COL5A1: variants seen among roughly 807,000 people sequenced by gnomAD.
COL5A1 encodes collagen type V alpha 1 chain.
Under a neutral mutation model 263.7 loss-of-function variants are expected in COL5A1, and 16 were observed. The ratio of observed to expected loss-of-function variants is 0.06; its 90% CI spans 0.04 to 0.09. The LOEUF (loss-of-function observed/expected upper bound fraction) is 0.09, where lower values mean the gene tolerates loss of function less well. Among genes scored for constraint, COL5A1 ranks in the 10% least tolerant of loss-of-function variants. COL5A1 has a pLI of 1.00. For synonymous variants in COL5A1, 1,012 were observed against 1,004.5 expected (o/e 1.01, Z -0.14); for missense variants, 2,036 against 2,540.5 (o/e 0.80, Z 4.27).
Position 134,805,052 on chromosome 9 carries a change from T to A in COL5A1, c.3192T>A (p.Leu1064=). 6.2e-7 allele frequency: 1 copy of A among 1,613,912 alleles called. No homozygotes were observed. Among genetic ancestry groups the A allele is most frequent in the Non-Finnish European group, 8.5e-7 (1 of 1,179,954 alleles). ...GTGGTTTCCCTGGGGACCGAGGGCT[T>A]CCTGGTCCAGTGGTGAGTGAGAGGC... is the stretch of plus-strand genomic sequence containing the variant. ...GLRGFPGDRG[L]PGPVGALGLK... The change falls in exon 40 of 66, where the codon CTT becomes CTA. Residue 1064 remains leucine (L), a synonymous_variant. Coordinates refer to ENST00000371817, the MANE Select transcript of COL5A1 (RefSeq NM_000093.5).
At chr9:134,759,921 A>T (rs1052175048) in intron 18 of COL5A1, among the ~76,000 whole-genome samples, 10 of 109,946 alleles carry the variant, frequency 9.1e-5, no homozygotes, top group Non-Finnish European at 1.4e-4. Context: ...CCACACTCAT[A>T]CATGCACACA....
rs748603743 is a variant in COL5A1, at chr9:134,728,685, G to A, written c.802G>A (p.Gly268Ser). Residue 268 changes from glycine (G) to serine (S), a missense_variant, in exon 6 of 66, where the codon GGC becomes AGC. Around this residue, in one of 3 missense-constraint regions of COL5A1, gnomAD observed 600 missense variants for 634.5 expected, o/e 0.95. Coordinates refer to ENST00000371817, the MANE Select transcript of COL5A1 (RefSeq NM_000093.5). ...TCGCTTTCAGTACACGGAAGGAGACGGCGAGGGTGAGACCTATTACTACGA... is the reference window on the plus strand; with the variant it reads ...TCGCTTTCAGTACACGGAAGGAGACAGCGAGGGTGAGACCTATTACTACGA... ...NPDEYYTEGD[G>S]EGETYYYEYP... 9.3e-6 allele frequency: 15 copies of A among 1,614,114 alleles called. No individual in the cohort carries two copies. The highest frequency in any genetic ancestry group is 6.7e-5 in the Admixed American group (4 of 60,030).
At chr9:134,787,416 A>C (rs1436200284) in intron 31 of COL5A1, among the ~76,000 whole-genome samples, 4 of 152,172 alleles carry the variant, frequency 2.6e-5, no homozygotes, top group Admixed American at 2.6e-4. Context: ...TGAGAAATAC[A>C]AGGTTTGGAC....
intron 28 of COL5A1, among the ~76,000 whole-genome samples, chr9:134,781,876 C>T (rs1351127948): frequency 2.6e-5 from 4 of 152,192 alleles, no homozygotes; most frequent in East Asian, 3.8e-4. Flanking sequence ...TGCCCCCAGC[C>T]GGGCCTTGAA....
At chr9:134,665,882 G>A (rs979767282) in intron 1 of COL5A1, among the ~76,000 whole-genome samples, 1 of 152,202 alleles carries the variant, frequency 6.6e-6, no homozygotes, top group African/African-American at 2.4e-5. Context: ...GAGGTCAGGA[G>A]TTCAAGACCA....
intron 27 of COL5A1, among the ~76,000 whole-genome samples, chr9:134,776,467 AG>A (rs1837054497): frequency 6.6e-6 from 1 of 152,232 alleles, no homozygotes; most frequent in Admixed American, 6.5e-5. Flanking sequence ...TTGGAAGCAG[AG>A]GGTGGAAGGA....
chr9:134,660,546 A>C (rs1405939446), intron 1 of COL5A1, among the ~76,000 whole-genome samples: 2 of 152,186 alleles, frequency 1.3e-5, no homozygotes, highest in Non-Finnish European at 2.9e-5. Flanking sequence ...ATGACATCAA[A>C]GCCTCAAACT....
At position 134,728,597 on chromosome 9, in the gene COL5A1, C is replaced by T. The variant is rs1233587308; in HGVS notation, c.787-73C>T. On this transcript the variant is annotated intron_variant, in intron 5 of 65. Transcript: ENST00000371817. ...TCGTGGCGTGCAGATCTGGAGGTTG[C>T]GGAAGGAAGGACAGCAGGCTGGTCG... 2.7e-5 allele frequency: 43 copies of T among 1,604,872 alleles called. No homozygotes were observed. The Middle Eastern group carries it at 5.0e-4, about 19-fold the overall frequency.
Position 134,700,012 on chromosome 9 carries a change from G to C in COL5A1, c.381G>C (p.Gln127His). Residue 127 changes from glutamine to histidine, a missense_variant, in exon 3 of 66, where the codon CAG becomes CAC. By Grantham distance (24) the Gln-to-His change is conservative (BLOSUM62 0). Coordinates refer to ENST00000371817, the MANE Select transcript of COL5A1 (RefSeq NM_000093.5). The surrounding 1 kb of genome is among the most constrained non-coding windows in gnomAD (Gnocchi z 4.0). ...TCTACAACGAGCAGGGTATCCAGCA[G>C]ATTGGGCTGGAGCTGGGCCGCTCTC... ...VSIYNEQGIQQIGLELGRSPV... is the reference protein window; with the variant it reads ...VSIYNEQGIQHIGLELGRSPV... 3 of 1,613,762 alleles carry C rather than the reference G, an allele frequency of 1.9e-6. No homozygotes were observed. Among genetic ancestry groups the C allele is most frequent in the Non-Finnish European group, 2.5e-6 (3 of 1,180,030 alleles).
Position 134,774,875 on chromosome 9 carries a change from A to G in COL5A1, c.2348A>G (p.Gln783Arg). The G allele has an allele frequency of 6.2e-7, 1 of 1,613,912 alleles. No individual in the cohort carries two copies. The highest frequency in any genetic ancestry group is 1.1e-5 in the South Asian group (1 of 90,966). Residue 783 changes from glutamine to arginine, a missense_variant, in exon 27 of 66, where the codon CAG becomes CGG. Physicochemically the swap from Gln to Arg is conservative, Grantham distance 43. Around this residue, in one of 3 missense-constraint regions of COL5A1, gnomAD observed 1,078 missense variants for 1,521.4 expected, o/e 0.71. Coordinates refer to ENST00000371817, the MANE Select transcript of COL5A1 (RefSeq NM_000093.5). ...EKGGQGPPGP[Q>R]GPIGYPGPRG... ...TGGTTTTAGGGTCCACCTGGCCCCCAGGGTCCGATTGGCTACCCAGGTCCT... is the reference window on the plus strand; with the variant it reads ...TGGTTTTAGGGTCCACCTGGCCCCCGGGGTCCGATTGGCTACCCAGGTCCT...
Position 134,798,396 on chromosome 9 carries a change from T to C in COL5A1, c.2899-12T>C. ...CACGAATGAACCTCCTTTCCTTTGG[T>C]TTTTTCTTCAGGGCCCTCCAGGCAA... On this transcript the variant is annotated splice_polypyrimidine_tract_variant and intron_variant, in intron 36 of 65. Coordinates refer to ENST00000371817, the MANE Select transcript of COL5A1 (RefSeq NM_000093.5). 3.1e-6 allele frequency: 5 copies of C among 1,613,928 alleles called. No homozygotes were observed. Among genetic ancestry groups the C allele is most frequent in the Non-Finnish European group, 4.2e-6 (5 of 1,179,852 alleles).
intron 52 of COL5A1, among the ~76,000 whole-genome samples, chr9:134,816,665 C>T (rs964818098): frequency 2.0e-5 from 3 of 152,250 alleles, no homozygotes; most frequent in Non-Finnish European, 2.9e-5. Context: ...TCCACCACTT[C>T]CCGGCCTGTG....
rs1251697175 is a variant in COL5A1 at position 134,754,338 on chromosome 9, G to C, written c.1827+12G>C. ...AGCCCGGAAGACGGGTGAGTGGTGC[G>C]AGTGTGTGTGGTTTAGTGACAGCAG... On this transcript the variant is annotated intron_variant, in intron 16 of 65. Transcript: ENST00000371817. The surrounding 1 kb of genome is among the most constrained non-coding windows in gnomAD (Gnocchi z 4.3). 2.5e-6 allele frequency: 4 copies of C among 1,614,026 alleles called. No individual in the cohort carries two copies. Among genetic ancestry groups the C allele is most frequent in the Non-Finnish European group, 1.7e-6 (2 of 1,180,032 alleles).
Position 134,810,363 on chromosome 9 carries a change from G to A in COL5A1, c.3528+55G>A, listed in dbSNP as rs3827849. The A allele has an allele frequency of 0.5, 773,226 of 1,559,088 alleles. 192,691 individuals are homozygous for A. The highest frequency in any genetic ancestry group is 0.53 in the Middle Eastern group (3,011 of 5,726). On this transcript the variant is annotated intron_variant, in intron 44 of 65. Transcript: ENST00000371817. The stretch of plus-strand genomic sequence containing the variant: ...CCCCCAGGTCCCGGGGGGCCTCGTC[G>A]CAGGCTGTAGGCCGTGTGCCATGCA...
chr9:134,785,849 C>T, intron 30 of COL5A1, 146 bp from the exon 31 acceptor site: 1 of 741,442 alleles, frequency 1.3e-6, no homozygotes, highest in Non-Finnish European at 2.4e-6. Context: ...GCAGGCAGGG[C>T]TTCTGCATAA....
At position 134,842,012 on chromosome 9, in the gene COL5A1, C is replaced by A. The variant is rs2132942411; in HGVS notation, c.5371-145C>A. The A allele has an allele frequency of 2.3e-6, 2 of 869,504 alleles. No homozygotes were observed. The highest frequency in any genetic ancestry group is 3.7e-6 in the Non-Finnish European group (2 of 533,770). The allele number at this position is 869,504 out of a possible 1,614,324, so 53.9% of individuals were successfully genotyped here. ...CTCTGATCAGCCATATTTCCTCCAA[C>A]ACTTGCCCGGGCAAGCGCAGCCCTG... On this transcript the variant is annotated intron_variant, in intron 65 of 65. Coordinates refer to ENST00000371817, the MANE Select transcript of COL5A1 (RefSeq NM_000093.5). This position sits in a 1 kb window ranked among gnomAD's most constrained non-coding sequence, Gnocchi z 5.8.
chr9:134,679,063 T>G (rs1832757864), intron 1 of COL5A1, among the ~76,000 whole-genome samples: 1 of 152,176 alleles, frequency 6.6e-6, no homozygotes, highest in African/African-American at 2.4e-5. Flanking sequence ...ATTTGGAGCC[T>G]CCTCTTCACT....
intron 1 of COL5A1, among the ~76,000 whole-genome samples, chr9:134,685,451 T>TCCTC (rs1833020119): frequency 8.5e-4 from 1 of 1,182 alleles, no homozygotes; most frequent in Non-Finnish European, 1.6e-3. Context: ...TTGTCCATCA[T>TCCTC]CCATCCATCC....
chr9:134,670,888 C>T (rs190054586), intron 1 of COL5A1, among the ~76,000 whole-genome samples: 63 of 152,312 alleles, frequency 4.1e-4, no homozygotes, highest in African/African-American at 1.3e-3. Flanking sequence ...CGGGTCTTCT[C>T]CCCACCTGGT....
Sources: gnomAD v4.1 joint callset for allele counts (sites outside exome capture counted in the v4.1 genomes callset) on GRCh38, gnomAD v4.1.1 for gene constraint, gnomAD v4.1.1 regional missense constraint, Gnocchi (gnomAD v3.1) non-coding constraint, MANE v1.5 for transcripts, NCBI Gene and HGNC (gene_info 2026-07-23, HGNC 2026-07-21) for gene names.